The following RAP1GAP2 variants were observed in gnomAD, a reference collection of about 807,000 sequenced individuals.
RAP1GAP2 encodes rap1 GTPase-activating protein 2.
RAP1GAP2 carries 27 observed loss-of-function variants against 95.0 expected under a neutral mutation model. The ratio of observed to expected loss-of-function variants is 0.28; its 90% confidence interval spans 0.21 to 0.39. The LOEUF is 0.39. RAP1GAP2 is among the 10% of genes least tolerant of loss of function. RAP1GAP2 has a pLI of 1.00. For synonymous variants in RAP1GAP2, 373 were observed against 380.9 expected (o/e 0.98, Z 0.24); for missense variants, 771 against 970.0 (o/e 0.79, Z 2.72).
chr17:2,873,474 C>CAAAAAAAAAAAAAAAAA (rs71153308), intron 2 of RAP1GAP2, among the ~76,000 whole-genome samples: 1 of 11,398 alleles, frequency 8.8e-5, no homozygotes. Flanking sequence ...GACCCTGTCT[C>CAAAAAAAAAAAAAAAAA]AAAAAAAAAA....
At chr17:2,770,321 GC>G (rs1359903522) in intron 1 of RAP1GAP2, 5 of 398,486 alleles carry the variant, frequency 1.3e-5, no homozygotes, top group African/African-American at 2.1e-5. Context: ...CTCCTGTCCT[GC>G]CCACAGGTAC....
intron 17 of RAP1GAP2, among the ~76,000 whole-genome samples, chr17:3,016,179 A>G (rs2046760830): frequency 6.6e-6 from 1 of 152,174 alleles, no homozygotes; most frequent in Non-Finnish European, 1.5e-5. Context: ...TCGTGGCCCT[A>G]AGATCATTGT....
rs1322808372 is a variant in RAP1GAP2, at chr17:3,008,536, A to T, written c.1494+391A>T. 1.3e-5 allele frequency among the ~76,000 whole-genome samples: 2 copies of T among 152,188 alleles called. No individual in the cohort carries two copies. The highest frequency in any genetic ancestry group is 2.9e-5 in the Non-Finnish European group (2 of 68,016). ...GGCAGGAGCGAGGACCACAGCCCTTACGGGTCTTCGTAGCTGCTGTGGGTG... is the reference window on the plus strand; with the variant it reads ...GGCAGGAGCGAGGACCACAGCCCTTTCGGGTCTTCGTAGCTGCTGTGGGTG... On this transcript the variant is annotated intron_variant, in intron 17 of 24. Coordinates refer to ENST00000254695, the MANE Select transcript of RAP1GAP2 (RefSeq NM_015085.5). The surrounding 1 kb of genome is among the most constrained non-coding windows in gnomAD (Gnocchi z 4.2).
At chr17:2,928,898 C>G (rs190586529) in intron 3 of RAP1GAP2, among the ~76,000 whole-genome samples, 2 of 152,122 alleles carry the variant, frequency 1.3e-5, no homozygotes, top group African/African-American at 4.8e-5. Flanking sequence ...TCCTGAGAGA[C>G]CCAGGGGCTG....
At chr17:2,874,509 C>T (rs914102297) in intron 2 of RAP1GAP2, among the ~76,000 whole-genome samples, 6 of 152,116 alleles carry the variant, frequency 3.9e-5, no homozygotes, top group Admixed American at 1.3e-4. Flanking sequence ...CTGGCACCCT[C>T]ATTTCAAGCA....
intron 2 of RAP1GAP2, among the ~76,000 whole-genome samples, chr17:2,851,177 T>G (rs2071832354): frequency 2.0e-5 from 3 of 152,056 alleles, no homozygotes; most frequent in African/African-American, 7.3e-5. Context: ...GTGGCCCAAT[T>G]GTGGGAAGCT....
In RAP1GAP2 at chr17:2,958,259, A is replaced by AG. The variant is rs553121633; in HGVS notation, c.201+465_201+466insG. Among the ~76,000 whole-genome samples the AG allele has an allele frequency of 1.1e-4, 16 of 152,322 alleles. No individual in the cohort carries two copies. In the South Asian group the frequency reaches 3.3e-3, roughly 32 times the overall value. On this transcript the variant is annotated intron_variant, in intron 4 of 24. Transcript: ENST00000254695. ...TCCTGTGCTAAGCCTCCATAAATAA[A>AG]TAAGAATGAATGCACCCACTTACAT...
intron 2 of RAP1GAP2, among the ~76,000 whole-genome samples, chr17:2,852,845 A>G (rs1597440959): frequency 1.3e-5 from 2 of 152,280 alleles, no homozygotes; most frequent in African/African-American, 4.8e-5. Context: ...GGTAGGGACC[A>G]GGCCACAGCC....
At chr17:2,758,149 G>T (rs547239450) in intron 1 of RAP1GAP2, among the ~76,000 whole-genome samples, 1 of 149,458 alleles carries the variant, frequency 6.7e-6, no homozygotes, top group Non-Finnish European at 1.5e-5. Context: ...GATTACAGGC[G>T]TGAGCCACCA....
In RAP1GAP2 at chr17:3,029,001, T is replaced by C. The variant is rs1404192717; in HGVS notation, c.2108-1921T>C. On this transcript the variant is annotated intron_variant, in intron 22 of 24. Coordinates refer to ENST00000254695, the MANE Select transcript of RAP1GAP2 (RefSeq NM_015085.5). The surrounding 1 kb of genome is among the most constrained non-coding windows in gnomAD (Gnocchi z 4.4). ...TTTTAGTAGAGACACAGTTTCACCA[T>C]GTTGGCCAGGCTGGTCTCGAACTCC... Among the ~76,000 whole-genome samples, 1 of 152,178 alleles carries C rather than the reference T, an allele frequency of 6.6e-6. No homozygotes were observed. Among genetic ancestry groups the C allele is most frequent in the Non-Finnish European group, 1.5e-5 (1 of 68,032 alleles).
chr17:2,977,338 T>A (rs1011320599), intron 8 of RAP1GAP2, among the ~76,000 whole-genome samples: 4 of 152,142 alleles, frequency 2.6e-5, no homozygotes, highest in African/African-American at 9.7e-5. Context: ...ACTAAAGAAT[T>A]TGAATTAGTA....
At chr17:3,015,299 C>A (rs1056101970) in intron 17 of RAP1GAP2, among the ~76,000 whole-genome samples, 41 of 152,084 alleles carry the variant, frequency 2.7e-4, no homozygotes, top group African/African-American at 9.9e-4. Flanking sequence ...GGGCTACACA[C>A]CTCACTGTCA....
At chr17:2,926,897 T>G (rs1434973172) in intron 3 of RAP1GAP2, among the ~76,000 whole-genome samples, 1 of 150,308 alleles carries the variant, frequency 6.7e-6, no homozygotes, top group African/African-American at 2.5e-5. Context: ...TCCCAGCTAC[T>G]TGGGAGGTTG....
chr17:2,806,884 A>G (rs1448820684), intron 2 of RAP1GAP2, among the ~76,000 whole-genome samples: 1 of 142,626 alleles, frequency 7.0e-6, no homozygotes. Flanking sequence ...GGGTTTTGCC[A>G]TGTTGGCCAG....
Position 2,796,646 on chromosome 17 carries a change from GC to G in RAP1GAP2, c.44+77del. ...TGAAGTCTTGTTAAGTGCATTGGCG[GC>G]CGTGGGAACAGAGGGGCTCGGGCTG... On this transcript the variant is annotated intron_variant, in intron 1 of 24. Transcript: ENST00000254695. This position sits in a 1 kb window ranked among gnomAD's most constrained non-coding sequence, Gnocchi z 4.7. 6.6e-7 allele frequency: 1 copy of G among 1,509,802 alleles called. No individual in the cohort carries two copies. The highest frequency in any genetic ancestry group is 9.0e-7 in the Non-Finnish European group (1 of 1,109,304). The allele number at this position is 1,509,802 out of a possible 1,614,324, so 93.5% of individuals were successfully genotyped here.
chr17:3,026,280 CG>C (rs2047113300), intron 20 of RAP1GAP2, 69 bp from the exon 21 acceptor site: 2 of 1,406,564 alleles, frequency 1.4e-6, no homozygotes, highest in Non-Finnish European at 2.0e-6. Context: ...CCAGAGGTCC[CG>C]GGGAGGACCC....
At position 2,766,287 on chromosome 17, in the gene RAP1GAP2, G is replaced by A. The variant is rs529216644; in HGVS notation, c.51-4042G>A. Among the ~76,000 whole-genome samples the A allele has an allele frequency of 9.8e-4, 149 of 152,260 alleles. 1 individual carries two copies. Among genetic ancestry groups the A allele is most frequent in the South Asian group, 5.6e-3 (27 of 4,812 alleles). ...CGGAAATTCATAGGTTGAAATCCTA[G>A]CCCCGCACTGTGATGGGTTTAGGAG... On this transcript the variant is annotated intron_variant, in intron 1 of 25. Coordinates refer to the RAP1GAP2 transcript ENST00000637138.
intron 11 of RAP1GAP2, among the ~76,000 whole-genome samples, chr17:2,986,963 A>G (rs961760114): frequency 7.9e-5 from 12 of 152,316 alleles, no homozygotes; most frequent in African/African-American, 2.6e-4. Context: ...ATGGCATGCT[A>G]TAGATCAGGG....
intron 1 of RAP1GAP2, among the ~76,000 whole-genome samples, chr17:2,799,781 A>G (rs1480079185): frequency 6.6e-6 from 1 of 152,070 alleles, no homozygotes; most frequent in African/African-American, 2.4e-5. Context: ...CTGGAGAGGG[A>G]GGAGGGGCCT....
Sources: allele counts gnomAD v4.1 joint callset (sites outside exome capture counted in the v4.1 genomes callset), GRCh38; gene constraint gnomAD v4.1.1; non-coding constraint Gnocchi (gnomAD v3.1); transcripts MANE v1.5; gene names NCBI Gene and HGNC (gene_info 2026-07-23, HGNC 2026-07-21).